SUSD2: variants seen among roughly 807,000 people sequenced by gnomAD.
SUSD2 encodes the protein sushi domain-containing protein 2.
SUSD2 carries 86 observed loss-of-function variants against 93.8 expected under a neutral mutation model. The ratio of observed to expected loss-of-function variants is 0.92; its 90% CI spans 0.77 to 1.10. The LOEUF is 1.10. Ranked by LOEUF, SUSD2 falls within the 50% of genes least tolerant of loss-of-function variation. The pLI is 0.00. For missense variants in SUSD2, 1,060 were observed against 1,137.0 expected (o/e 0.93, Z 0.97); for synonymous variants, 483 against 485.0 (o/e 1.00, Z 0.05).
At chr22:24,183,970 C>CCAGG in intron 3 of SUSD2, 166 bp from the exon 4 acceptor site, 1 of 710,680 alleles carries the variant, frequency 1.4e-6, no homozygotes, top group South Asian at 1.9e-5. Flanking sequence ...CAGGCCCCTG[C>CCAGG]CTCTGCGGCC....
At chr22:24,184,362 A>G in intron 4 of SUSD2, 59 bp downstream of exon 4, 4 of 1,565,496 alleles carry the variant, frequency 2.6e-6, no homozygotes, top group Non-Finnish European at 3.5e-6. Context: ...AGGGGGAGAA[A>G]GGGGGTCCCA....
chr22:24,188,422 G>T lies in SUSD2; in HGVS notation c.2455G>T (p.Gly819Cys). Reference sequence around the variant, plus strand: ...GCGTTTCTGTTGCAGGCACGTCTGGGGTGCACAGCCCTGATGGGAGCAGCT... The same window carrying T: ...GCGTTTCTGTTGCAGGCACGTCTGGTGTGCACAGCCCTGATGGGAGCAGCT... ...RRRKGNTHVW[G>C]AQP The change falls in exon 15 of 15, where the codon GGT (glycine) becomes TGT (cysteine). Residue 819 changes from glycine (G) to cysteine (C), a missense_variant. Coordinates refer to ENST00000358321, the MANE Select transcript of SUSD2 (RefSeq NM_019601.4). This position sits in a 1 kb window ranked among gnomAD's most constrained non-coding sequence, Gnocchi z 4.7. 6.2e-7 allele frequency: 1 copy of T among 1,610,996 alleles called. No homozygotes were observed.
intron 12 of SUSD2, 56 bp from the exon 13 acceptor site, chr22:24,187,903 G>C: frequency 2.5e-6 from 4 of 1,605,772 alleles, no homozygotes; most frequent in Non-Finnish European, 3.4e-6. Flanking sequence ...GGGGTGGCCA[G>C]ATGTGTGTAT....
Position 24,188,613 on chromosome 22 carries a change from C to A in SUSD2, c.*177C>A. The A allele has an allele frequency of 1.6e-6, 1 of 621,150 alleles. No individual in the cohort carries two copies. The highest frequency in any genetic ancestry group is 2.8e-6 in the Non-Finnish European group (1 of 354,354). The allele number at this position is 621,150 out of a possible 1,614,324, so 38.5% of individuals were successfully genotyped here. On this transcript the variant is annotated 3_prime_UTR_variant, in exon 15 of 15. Coordinates refer to ENST00000358321, the MANE Select transcript of SUSD2 (RefSeq NM_019601.4). This position sits in a 1 kb window ranked among gnomAD's most constrained non-coding sequence, Gnocchi z 4.7. ...GCAGGAGGCCCAGTGTTCCAACACC[C>A]AAGCCCCGTGCTAGCAGCGCTCCGT... is the stretch of plus-strand genomic sequence containing the variant.
At position 24,183,577 on chromosome 22, in the gene SUSD2, G is replaced by T; in HGVS notation, c.370G>T (p.Gly124Cys). Reference sequence around the variant, plus strand: ...TGTGTCACCTCTGCTCTATGAGAGCGGCCGCATCCCCTTCACTGTGTCACT... The same window carrying T: ...TGTGTCACCTCTGCTCTATGAGAGCTGCCGCATCCCCTTCACTGTGTCACT... ...HCVSPLLYES[G>C]RIPFTVSLDN... The change falls in exon 3 of 15, where the codon GGC becomes TGC. Residue 124 changes from glycine to cysteine, a missense_variant. By Grantham distance (159) the Gly-to-Cys change is radical. Around this residue, in one of 2 missense-constraint regions of SUSD2, gnomAD observed 973 missense variants for 1,005.3 expected, o/e 0.97. Coordinates refer to ENST00000358321, the MANE Select transcript of SUSD2 (RefSeq NM_019601.4). The T allele has an allele frequency of 6.2e-7, 1 of 1,613,390 alleles. No homozygotes were observed. The highest frequency in any genetic ancestry group is 8.5e-7 in the Non-Finnish European group (1 of 1,179,998).
At chr22:24,185,968 G>A (rs771560086) in intron 8 of SUSD2, 39 bp downstream of exon 8, 31 of 1,574,952 alleles carry the variant, frequency 2.0e-5, no homozygotes, top group Middle Eastern at 1.7e-4. Context: ...GGGAAAGATC[G>A]GGCTGGGCTG....
rs569881214 is a variant in SUSD2, at chr22:24,183,800, T to G, written c.439+154T>G. On this transcript the variant is annotated intron_variant, in intron 3 of 14. Transcript: ENST00000358321. ...CGCCTGCGAGAGTTCCTTCAGCTCCTTTCCACTCCCTGGCATCCAGACCGC... is the reference window on the plus strand; with the variant it reads ...CGCCTGCGAGAGTTCCTTCAGCTCCGTTCCACTCCCTGGCATCCAGACCGC... The G allele has an allele frequency of 3.5e-5, 31 of 874,430 alleles. No homozygotes were observed. In the East Asian group the frequency reaches 8.3e-4, roughly 23 times the overall value. 54.2% of individuals were successfully genotyped at this position (874,430 alleles called of 1,614,324 possible). A position where few individuals can be genotyped will look rare whatever the true frequency, so the allele number is the denominator to read the frequency against.
intron 6 of SUSD2, 79 bp downstream of exon 6, chr22:24,185,374 A>G (rs1478587302): frequency 6.5e-7 from 1 of 1,549,818 alleles, no homozygotes. Flanking sequence ...GGAGGCAGAC[A>G]GAGGTGTCCT....
Position 24,188,420 on chromosome 22 carries a change from G to T in SUSD2, c.2453G>T (p.Trp818Leu). 6.2e-7 allele frequency: 1 copy of T among 1,611,000 alleles called. No individual in the cohort carries two copies. The highest frequency in any genetic ancestry group is 8.5e-7 in the Non-Finnish European group (1 of 1,179,810). Residue 818 changes from tryptophan (W) to leucine (L), a missense_variant, in exon 15 of 15, where the codon TGG (tryptophan) becomes TTG (leucine). This residue lies in a region of SUSD2 where 973 missense variants were observed against 1,005.3 expected (regional missense o/e 0.97). Transcript: ENST00000358321. The surrounding 1 kb of genome is among the most constrained non-coding windows in gnomAD (Gnocchi z 4.7). The part of the protein sequence containing the change: ...LRRRKGNTHV[W>L]GAQP Reference sequence around the variant, plus strand: ...CTGCGTTTCTGTTGCAGGCACGTCTGGGGTGCACAGCCCTGATGGGAGCAG... The same window carrying T: ...CTGCGTTTCTGTTGCAGGCACGTCTTGGGTGCACAGCCCTGATGGGAGCAG...
In SUSD2 at chr22:24,188,535, G is replaced by A; in HGVS notation, c.*99G>A. On this transcript the variant is annotated 3_prime_UTR_variant, in exon 15 of 15. Transcript: ENST00000358321. The surrounding 1 kb of genome is among the most constrained non-coding windows in gnomAD (Gnocchi z 4.7). ...CCCCAGGACCAGACACCTGGGACCT[G>A]GATACTTGATACCTGGGCATTTAAC... The A allele has an allele frequency of 8.4e-7, 1 of 1,192,504 alleles. No homozygotes were observed. Among genetic ancestry groups the A allele is most frequent in the South Asian group, 1.3e-5 (1 of 78,766 alleles). 73.9% of individuals were successfully genotyped at this position (1,192,504 alleles called of 1,614,324 possible).
chr22:24,184,208 C>G lies in SUSD2; in HGVS notation c.512C>G (p.Thr171Ser). 2 of 1,613,564 alleles carry G rather than the reference C, an allele frequency of 1.2e-6. No individual in the cohort carries two copies. Among genetic ancestry groups the G allele is most frequent in the South Asian group, 2.2e-5 (2 of 91,062 alleles). ...VNETRWQYYG[T>S]ANTSGNLSLT... The stretch of plus-strand genomic sequence containing the variant: ...GAGACGCGTTGGCAATACTACGGCA[C>G]CGCCAACACCTCAGGCAACCTCAGC... The change falls in exon 4 of 15, where the codon ACC becomes AGC. Residue 171 changes from threonine to serine, a missense_variant. By Grantham distance (58) the Thr-to-Ser change is moderately conservative. Around this residue, in one of 2 missense-constraint regions of SUSD2, gnomAD observed 973 missense variants for 1,005.3 expected, o/e 0.97. Transcript: ENST00000358321.
At chr22:24,186,594 A>C in intron 10 of SUSD2, 179 bp downstream of exon 10, 2 of 698,604 alleles carry the variant, frequency 2.9e-6, no homozygotes, top group Non-Finnish European at 4.7e-6. Context: ...ACCTGGTCAA[A>C]AGCCGAGAGG....
At position 24,183,666 on chromosome 22, in the gene SUSD2, C is replaced by A. The variant is rs1257380538; in HGVS notation, c.439+20C>A. 3.7e-6 allele frequency: 6 copies of A among 1,605,280 alleles called. No individual in the cohort carries two copies. Among genetic ancestry groups the A allele is most frequent in the Non-Finnish European group, 4.2e-6 (5 of 1,178,494 alleles). ...TGGCTGGTGAGCCCTCCTCCCTGCC[C>A]ACAGCCTGCCCCCACGGGGACTTTC... On this transcript the variant is annotated intron_variant, in intron 3 of 14. Coordinates refer to ENST00000358321, the MANE Select transcript of SUSD2 (RefSeq NM_019601.4).
intron 11 of SUSD2, 59 bp downstream of exon 11, chr22:24,187,509 G>C (rs1569341162): frequency 1.2e-6 from 2 of 1,604,688 alleles, no homozygotes; most frequent in Admixed American, 3.3e-5. Flanking sequence ...AACATGGCAC[G>C]GGCAGGGCTT....
Position 24,188,413 on chromosome 22 carries a change from C to T in SUSD2, c.2446C>T (p.His816Tyr). The change falls in exon 15 of 15, where the codon CAC (histidine) becomes TAC (tyrosine). Residue 816 changes from histidine (H) to tyrosine (Y), a missense_variant and splice_region_variant. This residue lies in a region of SUSD2 where 973 missense variants were observed against 1,005.3 expected (regional missense o/e 0.97). Coordinates refer to ENST00000358321, the MANE Select transcript of SUSD2 (RefSeq NM_019601.4). The surrounding 1 kb of genome is among the most constrained non-coding windows in gnomAD (Gnocchi z 4.7). ...VLLRRRKGNT[H>Y]VWGAQP The stretch of plus-strand genomic sequence containing the variant: ...CTTCTAACTGCGTTTCTGTTGCAGG[C>T]ACGTCTGGGGTGCACAGCCCTGATG... 1 of 1,611,436 alleles carries T rather than the reference C, an allele frequency of 6.2e-7. No homozygotes were observed. Among genetic ancestry groups the T allele is most frequent in the Non-Finnish European group, 8.5e-7 (1 of 1,179,840 alleles).
At position 24,184,270 on chromosome 22, in the gene SUSD2, A is replaced by G; in HGVS notation, c.574A>G (p.Ile192Val). 1.2e-6 allele frequency: 2 copies of G among 1,613,544 alleles called. No homozygotes were observed. Among genetic ancestry groups the G allele is most frequent in the Middle Eastern group, 1.7e-4 (1 of 6,038 alleles). The change falls in exon 4 of 15, where the codon ATC becomes GTC. Residue 192 changes from isoleucine to valine, a missense_variant. By Grantham distance (29) the Ile-to-Val change is conservative. Coordinates refer to ENST00000358321, the MANE Select transcript of SUSD2 (RefSeq NM_019601.4). Reference protein sequence around the residue: ...WHVKSLPTQTITIELWGYEET... With the variant: ...WHVKSLPTQTVTIELWGYEET... The stretch of plus-strand genomic sequence containing the variant: ...TGTCAAGTCGCTGCCCACGCAGACC[A>G]TCACCATCGAACTGTGGGGCTACGA...
At position 24,181,582 on chromosome 22, in the gene SUSD2, C is replaced by A. The variant is rs781682671; in HGVS notation, c.63C>A (p.Pro21=). Residue 21 remains proline, a synonymous_variant, in exon 1 of 15, where the codon CCC becomes CCA. Coordinates refer to ENST00000358321, the MANE Select transcript of SUSD2 (RefSeq NM_019601.4). The part of the protein sequence containing the change: ...LLLATALGPG[P]GPTADAQESC... ...TGGCGACAGCCCTCGGCCCGGGCCCCGGACCCACAGCAGGTATGCCTCCCT... is the reference window on the plus strand; with the variant it reads ...TGGCGACAGCCCTCGGCCCGGGCCCAGGACCCACAGCAGGTATGCCTCCCT... 6.3e-7 allele frequency: 1 copy of A among 1,598,858 alleles called. No individual in the cohort carries two copies.
In SUSD2 at chr22:24,185,082, T is replaced by C; in HGVS notation, c.783-12T>C. On this transcript the variant is annotated splice_polypyrimidine_tract_variant and intron_variant, in intron 5 of 14. Coordinates refer to ENST00000358321, the MANE Select transcript of SUSD2 (RefSeq NM_019601.4). ...GTGGGCTGGCCCAGCTCCAGCATCA[T>C]CACCTCCACAGGGACGTGCAGGCGC... 6.2e-7 allele frequency: 1 copy of C among 1,612,702 alleles called. No homozygotes were observed. The highest frequency in any genetic ancestry group is 8.5e-7 in the Non-Finnish European group (1 of 1,179,618).
chr22:24,188,417 T>C lies in SUSD2; in HGVS notation c.2450T>C (p.Val817Ala), dbSNP rs2047385664. 6.2e-7 allele frequency: 1 copy of C among 1,610,632 alleles called. No homozygotes were observed. The highest frequency in any genetic ancestry group is 8.5e-7 in the Non-Finnish European group (1 of 1,179,782). Residue 817 changes from valine to alanine, a missense_variant, in exon 15 of 15, where the codon GTC becomes GCC. Around this residue, in one of 2 missense-constraint regions of SUSD2, gnomAD observed 973 missense variants for 1,005.3 expected, o/e 0.97. Transcript: ENST00000358321. The surrounding 1 kb of genome is among the most constrained non-coding windows in gnomAD (Gnocchi z 4.7). ...TAACTGCGTTTCTGTTGCAGGCACG[T>C]CTGGGGTGCACAGCCCTGATGGGAG... ...LLRRRKGNTHVWGAQP is the reference protein window; with the variant it reads ...LLRRRKGNTHAWGAQP
Sources: allele counts gnomAD v4.1 joint callset, GRCh38; gene constraint gnomAD v4.1.1; regional missense constraint gnomAD v4.1.1; non-coding constraint Gnocchi (gnomAD v3.1); transcripts MANE v1.5; gene names NCBI Gene and HGNC (gene_info 2026-07-23, HGNC 2026-07-21).